Variants in MAP4 observed in about 807,000 individuals in gnomAD.
MAP4 encodes the protein microtubule associated protein 4, also known as microtubule-associated protein 4.
A neutral mutation model predicts 170.2 loss-of-function variants in MAP4; 76 were observed. The ratio of observed to expected loss-of-function variants is 0.45; its 90% CI spans 0.37 to 0.54. MAP4 has a LOEUF of 0.54. Among genes scored for constraint, MAP4 ranks in the 20% least tolerant of loss-of-function variants. The pLI is 0.00. For missense variants in MAP4, 2,506 were observed against 2,748.0 expected, an observed-to-expected ratio of 0.91 and a Z score of 1.97; for synonymous variants, 909 against 994.5, an observed-to-expected ratio of 0.91 and a Z score of 1.62.
intron 1 of MAP4, among the ~76,000 whole-genome samples, chr3:48,061,387 G>T (rs2100135182): frequency 6.6e-6 from 1 of 152,140 alleles, no homozygotes; most frequent in Non-Finnish European, 1.5e-5. Context: ...TGGAGACGGG[G>T]TTTCGCCTGT....
intron 1 of MAP4, among the ~76,000 whole-genome samples, chr3:48,082,888 T>C (rs929404805): frequency 6.6e-6 from 1 of 150,616 alleles, no homozygotes; most frequent in Non-Finnish European, 1.5e-5. Context: ...GGGTAAACCA[T>C]CTCTATGGTA....
At chr3:47,873,943 T>C (rs1559852134) in intron 12 of MAP4, among the ~76,000 whole-genome samples, 1 of 152,220 alleles carries the variant, frequency 6.6e-6, no homozygotes, top group Non-Finnish European at 1.5e-5. Flanking sequence ...TGTTTCCCAA[T>C]TTACATTTTC....
At chr3:48,055,162 A>G (rs2100130125) in intron 1 of MAP4, among the ~76,000 whole-genome samples, 1 of 151,496 alleles carries the variant, frequency 6.6e-6, no homozygotes, top group Non-Finnish European at 1.5e-5. Context: ...TACAAATGGC[A>G]GTTTCTTTAA....
chr3:47,877,233 A>G, intron 11 of MAP4, 184 bp downstream of exon 11: 1 of 548,084 alleles, frequency 1.8e-6, no homozygotes, highest in Middle Eastern at 5.0e-4. Context: ...CTGAGATTTT[A>G]AAGTTGGTTT....
chr3:47,906,874 G>T (rs77663456), intron 9 of MAP4, among the ~76,000 whole-genome samples: 57,412 of 147,848 alleles, frequency 0.39, 12,401 homozygotes, highest in African/African-American at 0.59. Context: ...TCCCTCTTGT[G>T]GCCCAGGCTG....
intron 3 of MAP4, among the ~76,000 whole-genome samples, chr3:47,946,591 T>A (rs1476620944): frequency 2.8e-5 from 4 of 143,642 alleles, no homozygotes. Flanking sequence ...GAGGCAGAGG[T>A]TGCAGTGAGC....
chr3:48,007,577 T>C (rs1015917072), intron 1 of MAP4, among the ~76,000 whole-genome samples: 2 of 152,086 alleles, frequency 1.3e-5, no homozygotes, highest in Non-Finnish European at 2.9e-5. Context: ...GATGGGGATG[T>C]TGTTTGGAGT....
upstream of MAP4, among the ~76,000 whole-genome samples, chr3:48,019,965 G>A (rs777776087): frequency 6.6e-6 from 1 of 152,178 alleles, no homozygotes; most frequent in Non-Finnish European, 1.5e-5. Context: ...AAAGAAAAGT[G>A]GAAGGTAGAA....
rs989405450 is a variant in MAP4 at position 47,924,095 on chromosome 3, T to A, written c.416-2217A>T. Among the ~76,000 whole-genome samples, 5 of 152,238 alleles carry A rather than the reference T, an allele frequency of 3.3e-5. No individual in the cohort carries two copies. The East Asian group carries it at 9.6e-4, about 29-fold the overall frequency. On this transcript the variant is annotated intron_variant, in intron 4 of 20. Transcript: ENST00000683076. The stretch of plus-strand genomic sequence containing the variant: ...AGTTCTGTCATTTAGTCATTAATTT[T>A]TTACTGGGTGCCTACCACATGGCAG...
At chr3:47,954,805 T>C (rs1297299637) in intron 3 of MAP4, among the ~76,000 whole-genome samples, 2 of 152,166 alleles carry the variant, frequency 1.3e-5, no homozygotes, top group African/African-American at 4.8e-5. Context: ...GTGGACCCCA[T>C]AGTACAATGG....
intron 1 of MAP4, among the ~76,000 whole-genome samples, chr3:48,064,524 C>G (rs2100137440): frequency 6.6e-6 from 1 of 152,090 alleles, no homozygotes; most frequent in African/African-American, 2.4e-5. Flanking sequence ...CTCTGGTCTC[C>G]CACACAGTCA....
At chr3:47,970,364 A>G (rs929183256) in intron 3 of MAP4, among the ~76,000 whole-genome samples, 2 of 152,046 alleles carry the variant, frequency 1.3e-5, no homozygotes, top group African/African-American at 4.8e-5. Flanking sequence ...GTGTGCCTGT[A>G]ATCCCAGCTA....
intron 1 of MAP4, among the ~76,000 whole-genome samples, chr3:48,086,499 T>A (rs546730689): frequency 1.3e-5 from 2 of 151,918 alleles, no homozygotes; most frequent in East Asian, 3.9e-4. Context: ...ATCAGCCGAG[T>A]GTGGTGGCAC....
intron 10 of MAP4, among the ~76,000 whole-genome samples, chr3:47,899,637 A>G (rs950985917): frequency 6.6e-6 from 1 of 152,246 alleles, no homozygotes; most frequent in Non-Finnish European, 1.5e-5. Context: ...ATGTGGGTGC[A>G]CTGCACAGTG....
At chr3:47,938,981 G>A (rs546538797) in intron 3 of MAP4, among the ~76,000 whole-genome samples, 4 of 152,302 alleles carry the variant, frequency 2.6e-5, no homozygotes, top group African/African-American at 4.8e-5. Context: ...ACCCATCCCA[G>A]GCTTGTTCCC....
chr3:47,995,309 G>A (rs542967106), intron 2 of MAP4, among the ~76,000 whole-genome samples: 11 of 146,810 alleles, frequency 7.5e-5, no homozygotes, highest in Non-Finnish European at 8.9e-5. Flanking sequence ...GGAGTGCAGT[G>A]GCACGCTCTC....
intron 1 of MAP4, among the ~76,000 whole-genome samples, chr3:48,049,027 G>A (rs1353217579): frequency 1.3e-5 from 2 of 152,214 alleles, no homozygotes; most frequent in East Asian, 3.9e-4. Flanking sequence ...TATAATATGT[G>A]ACCTCTTGAG....
chr3:47,893,689 G>A (rs2100025273), intron 10 of MAP4, among the ~76,000 whole-genome samples: 1 of 151,368 alleles, frequency 6.6e-6, no homozygotes, highest in African/African-American at 2.4e-5. Flanking sequence ...CAATAACATA[G>A]CATACTGGAA....
chr3:48,037,311 T>A lies in MAP4; in HGVS notation c.-19-38432A>T, dbSNP rs190302071. On this transcript the variant is annotated intron_variant, in intron 1 of 18. Coordinates refer to the MAP4 transcript ENST00000360240. ...ATAAGAATACTAAATCAAAAATGAT[T>A]TATATCAATTATTGTCCATCTTCAA... Among the ~76,000 whole-genome samples the A allele has an allele frequency of 1.3e-3, 202 of 152,284 alleles. 1 individual carries two copies. The highest frequency in any genetic ancestry group is 4.6e-3 in the African/African-American group (190 of 41,564).
Sources: gnomAD v4.1 joint callset for allele counts (sites outside exome capture counted in the v4.1 genomes callset) on GRCh38, gnomAD v4.1.1 for gene constraint, MANE v1.5 for transcripts, NCBI Gene and HGNC (gene_info 2026-07-23, HGNC 2026-07-21) for gene names.